CREB3L2: variants seen among roughly 807,000 people sequenced by gnomAD.
The protein encoded by CREB3L2 is cyclic AMP-responsive element-binding protein 3-like protein 2.
Under a neutral mutation model 57.2 loss-of-function variants are expected in CREB3L2, and 23 were observed. The observed-to-expected ratio is 0.40, with a 90% CI of 0.29 to 0.57. CREB3L2 has a LOEUF of 0.57. Among genes scored for constraint, CREB3L2 ranks in the 20% least tolerant of loss-of-function variants. CREB3L2 has a pLI of 0.42. For missense variants in CREB3L2, 628 were observed against 634.7 expected (o/e 0.99, Z 0.11); for synonymous variants, 268 against 265.1 (o/e 1.01, Z -0.11).
At chr7:137,927,470 G>GAAGAA (rs745848727) in intron 2 of CREB3L2, among the ~76,000 whole-genome samples, 6 of 151,718 alleles carry the variant, frequency 4.0e-5, no homozygotes, top group South Asian at 2.1e-4. Context: ...AAAAAGAAAA[G>GAAGAA]AAGAAAAGAA....
chr7:137,943,995 T>C (rs1800921679), intron 1 of CREB3L2, among the ~76,000 whole-genome samples: 1 of 152,216 alleles, frequency 6.6e-6, no homozygotes. Flanking sequence ...AAAACTTCTC[T>C]TCGTGACTGT....
At chr7:137,902,791 TAG>T (rs1799790917) in intron 7 of CREB3L2, among the ~76,000 whole-genome samples, 1 of 65,762 alleles carries the variant, frequency 1.5e-5, no homozygotes, top group African/African-American at 1.1e-4. Context: ...TTTATTGTTG[TAG>T]TTTTTTTTTA....
At chr7:137,916,826 G>A (rs1800147493) in intron 2 of CREB3L2, among the ~76,000 whole-genome samples, 1 of 151,066 alleles carries the variant, frequency 6.6e-6, no homozygotes, top group African/African-American at 2.4e-5. Flanking sequence ...GAGAGCGACA[G>A]AGAGAGAGAG....
At chr7:137,905,475 A>T (rs1799865908) in intron 6 of CREB3L2, among the ~76,000 whole-genome samples, 1 of 149,918 alleles carries the variant, frequency 6.7e-6, no homozygotes, top group Non-Finnish European at 1.5e-5. Context: ...CCAAAGAGGT[A>T]GATACTGATC....
At position 137,922,419 on chromosome 7, in the gene CREB3L2, TATATATATATATATATAC is replaced by T. The variant is rs1563253310; in HGVS notation, c.319+5713_319+5730del. On this transcript the variant is annotated intron_variant, in intron 2 of 11. Coordinates refer to ENST00000330387, the MANE Select transcript of CREB3L2 (RefSeq NM_194071.4). ...ATATATATATATATATATATATGTA[TATATATATATATATATAC>T]GTATATATATATATATACACACATA... Among the ~76,000 whole-genome samples, 274 of 101,066 alleles carry T rather than the reference TATATATATATATATATAC, an allele frequency of 2.7e-3. 13 individuals carry two copies. The highest frequency in any genetic ancestry group is 0.023 in the African/African-American group (266 of 11,576). The allele number at this position is 101,066 out of a possible 152,430, so 66.3% of individuals were successfully genotyped here.
chr7:137,902,010 A>G (rs1291203831), intron 7 of CREB3L2, among the ~76,000 whole-genome samples: 1 of 151,750 alleles, frequency 6.6e-6, no homozygotes, highest in East Asian at 1.9e-4. Flanking sequence ...CCTGGCCAAC[A>G]TGGTGAAACC....
chr7:137,957,893 C>G, intron 1 of CREB3L2: 3 of 636,568 alleles, frequency 4.7e-6, no homozygotes, highest in South Asian at 4.7e-5. Context: ...GGGTGGAAGA[C>G]TGTTTGGTCC....
chr7:137,972,694 A>C (rs1355425211), intron 1 of CREB3L2, among the ~76,000 whole-genome samples: 9 of 45,838 alleles, frequency 2.0e-4, no homozygotes, highest in African/African-American at 7.8e-4. Context: ...CAAAAAAAAA[A>C]AAAAAAAAAA....
At chr7:137,945,425 G>A (rs1162595523) in intron 1 of CREB3L2, among the ~76,000 whole-genome samples, 1 of 152,158 alleles carries the variant, frequency 6.6e-6, no homozygotes, top group East Asian at 1.9e-4. Flanking sequence ...GTGAGACCTG[G>A]TTTAAATAGT....
At chr7:137,892,112 T>A (rs1585596661) in intron 8 of CREB3L2, among the ~76,000 whole-genome samples, 1 of 152,092 alleles carries the variant, frequency 6.6e-6, no homozygotes, top group Non-Finnish European at 1.5e-5. Flanking sequence ...GTGAAATCAA[T>A]TGGGTTGTGA....
At position 137,884,540 on chromosome 7, in the gene CREB3L2, G is replaced by A. The variant is rs34247782; in HGVS notation, c.1270+455C>T. ...TGGGGTTACAGGCGTGAGCCACCAC[G>A]CCCGGCCCTGACCTTGCTGTTTATT... On this transcript the variant is annotated intron_variant, in intron 10 of 11. Transcript: ENST00000330387. The A allele has an allele frequency of 3.7e-3, 900 of 241,520 alleles. 2 individuals are homozygous for A. Among genetic ancestry groups the A allele is most frequent in the Non-Finnish European group, 6.2e-3 (760 of 123,568 alleles). 15.0% of individuals were successfully genotyped at this position (241,520 alleles called of 1,614,324 possible).
At chr7:137,975,109 G>A (rs1022727079) in intron 1 of CREB3L2, among the ~76,000 whole-genome samples, 13 of 152,134 alleles carry the variant, frequency 8.5e-5, no homozygotes, top group South Asian at 2.1e-4. Context: ...TTTATAAACC[G>A]TAAAGCATTA....
At chr7:137,999,419 C>CACACACACACAT (rs397950491) in intron 1 of CREB3L2, among the ~76,000 whole-genome samples, 1 of 150,464 alleles carries the variant, frequency 6.6e-6, no homozygotes, top group Non-Finnish European at 1.5e-5. Context: ...CACACACACA[C>CACACACACACAT]GAATATAAGC....
intron 1 of CREB3L2, among the ~76,000 whole-genome samples, chr7:137,935,342 T>G (rs1199599274): frequency 2.6e-5 from 4 of 152,228 alleles, no homozygotes; most frequent in Non-Finnish European, 5.9e-5. Context: ...CTTCTCGCAT[T>G]GTTCTTCCTA....
At position 137,885,188 on chromosome 7, in the gene CREB3L2, C is replaced by T. The variant is rs1799388514; in HGVS notation, c.1144-67G>A. The T allele has an allele frequency of 4.9e-5, 77 of 1,562,752 alleles. No individual in the cohort carries two copies. In the South Asian group the frequency reaches 8.6e-4, roughly 17 times the overall value. On this transcript the variant is annotated intron_variant, in intron 9 of 11. Transcript: ENST00000330387. ...GGACTTCAGCCTCTGGACAGCACAG[C>T]TTTATACCCAGGGACACAGACTCTC...
chr7:137,941,396 G>C (rs575662176), intron 1 of CREB3L2, among the ~76,000 whole-genome samples: 1 of 152,204 alleles, frequency 6.6e-6, no homozygotes, highest in Non-Finnish European at 1.5e-5. Context: ...TATCTCCATC[G>C]TGGCCAGCCA....
At chr7:137,966,026 A>G (rs1801401340) in intron 1 of CREB3L2, among the ~76,000 whole-genome samples, 1 of 152,198 alleles carries the variant, frequency 6.6e-6, no homozygotes, top group Non-Finnish European at 1.5e-5. Flanking sequence ...TTGCTGGTCC[A>G]TAAAGCACAC....
At chr7:137,965,594 A>G (rs1446240702) in intron 1 of CREB3L2, among the ~76,000 whole-genome samples, 1 of 152,178 alleles carries the variant, frequency 6.6e-6, no homozygotes, top group African/African-American at 2.4e-5. Flanking sequence ...CCCTGGTCTC[A>G]GGAAGCACTG....
At chr7:137,973,897 G>C (rs1186357209) in intron 1 of CREB3L2, among the ~76,000 whole-genome samples, 1 of 152,162 alleles carries the variant, frequency 6.6e-6, no homozygotes, top group Non-Finnish European at 1.5e-5. Flanking sequence ...GCATGTTCTG[G>C]GGAGTATTTC....
Sources: allele counts gnomAD v4.1 joint callset (sites outside exome capture counted in the v4.1 genomes callset), GRCh38; gene constraint gnomAD v4.1.1; transcripts MANE v1.5; gene names NCBI Gene and HGNC (gene_info 2026-07-23, HGNC 2026-07-21).